CCDC174: variants seen among roughly 807,000 people sequenced by gnomAD.
CCDC174 encodes coiled-coil domain-containing protein 174.
Under a neutral mutation model 57.1 loss-of-function variants are expected in CCDC174, and 37 were observed. The observed-to-expected ratio is 0.65, with a 90% CI of 0.50 to 0.85. CCDC174 has a LOEUF of 0.85. Among genes scored for constraint, CCDC174 ranks in the 40% least tolerant of loss-of-function variants. The pLI is 0.00. For synonymous variants in CCDC174, 182 were observed against 190.2 expected, an observed-to-expected ratio of 0.96 and a Z score of 0.35; for missense variants, 540 against 574.3, an observed-to-expected ratio of 0.94 and a Z score of 0.61.
chr3:14,663,032 C>T (rs1374153530), intron 5 of CCDC174, among the ~76,000 whole-genome samples: 1 of 152,184 alleles, frequency 6.6e-6, no homozygotes, highest in Admixed American at 6.5e-5. Flanking sequence ...TGTCTTTCTT[C>T]ATCATTTCTT....
intron 5 of CCDC174, among the ~76,000 whole-genome samples, chr3:14,664,257 A>T (rs1048366945): frequency 1.3e-5 from 2 of 152,334 alleles, no homozygotes; most frequent in East Asian, 1.9e-4. Context: ...GCCAGCTAGT[A>T]CTTATTGGAC....
chr3:14,654,506 T>C lies in CCDC174; in HGVS notation c.123T>C (p.Phe41=), dbSNP rs751380821. The C allele has an allele frequency of 6.3e-7, 1 of 1,586,486 alleles. No individual in the cohort carries two copies. Among genetic ancestry groups the C allele is most frequent in the Admixed American group, 1.7e-5 (1 of 58,240 alleles). Residue 41 remains phenylalanine (F), a synonymous_variant, in exon 2 of 11, where the codon TTT becomes TTC. Transcript: ENST00000383794. ...AACTTCTAAAAGATTCTGGAGTTTTTGGAAAACCAAAAACAACTAACAAGG... is the reference window on the plus strand; with the variant it reads ...AACTTCTAAAAGATTCTGGAGTTTTCGGAAAACCAAAAACAACTAACAAGG... ...QEKLLKDSGV[F]GKPKTTNKKP...
intron 6 of CCDC174, among the ~76,000 whole-genome samples, chr3:14,666,127 C>A (rs1471268785): frequency 1.3e-5 from 2 of 151,998 alleles, no homozygotes; most frequent in Non-Finnish European, 2.9e-5. Context: ...ACAGGAGACA[C>A]CACTCAGGCC....
chr3:14,660,796 C>G (rs1291101096), intron 4 of CCDC174, among the ~76,000 whole-genome samples: 1 of 152,252 alleles, frequency 6.6e-6, no homozygotes, highest in Non-Finnish European at 1.5e-5. Flanking sequence ...GAGAAAAAGA[C>G]TCAAATGACT....
At chr3:14,653,720 T>G (rs1236175966) in intron 1 of CCDC174, among the ~76,000 whole-genome samples, 2 of 152,202 alleles carry the variant, frequency 1.3e-5, no homozygotes. Flanking sequence ...AACCGTGTGA[T>G]TCAGCCAAGC....
rs761123746 is a variant in CCDC174, at chr3:14,672,099, C to T, written c.*905C>T. 1 of 152,462 alleles carries T rather than the reference C, an allele frequency of 6.6e-6. No homozygotes were observed. Among genetic ancestry groups the T allele is most frequent in the Non-Finnish European group, 1.5e-5 (1 of 68,224 alleles). 9.4% of individuals were successfully genotyped at this position (152,462 alleles called of 1,614,324 possible). On this transcript the variant is annotated 3_prime_UTR_variant, in exon 11 of 11. Coordinates refer to ENST00000383794, the MANE Select transcript of CCDC174 (RefSeq NM_016474.5). ...AGTGTGCCTGGGCACCCACCCCATC[C>T]TCTACCTGCCACACCTCAGAGGGTT...
At position 14,666,968 on chromosome 3, in the gene CCDC174, C is replaced by G. The variant is rs371601155; in HGVS notation, c.724+21C>G. ...AAATGGTATGACTATTTTCTTGCAG[C>G]TTTGCAAATCTTATTTTTAACCTTA... On this transcript the variant is annotated intron_variant, in intron 7 of 10. Transcript: ENST00000383794. 19 of 1,562,306 alleles carry G rather than the reference C, an allele frequency of 1.2e-5. No individual in the cohort carries two copies. In the African/African-American group the frequency reaches 2.2e-4, roughly 18 times the overall value.
At chr3:14,662,546 A>AT (rs2031177530) in intron 5 of CCDC174, among the ~76,000 whole-genome samples, 1 of 152,128 alleles carries the variant, frequency 6.6e-6, no homozygotes, top group South Asian at 2.1e-4. Context: ...TGTTACAATG[A>AT]TTTTTTTCTA....
At chr3:14,669,650 G>T (rs573192676) in intron 9 of CCDC174, among the ~76,000 whole-genome samples, 7 of 152,220 alleles carry the variant, frequency 4.6e-5, no homozygotes, top group Non-Finnish European at 7.4e-5. Context: ...ATCCAGCCCA[G>T]CCCAGGACTC....
At position 14,668,030 on chromosome 3, in the gene CCDC174, T is replaced by A; in HGVS notation, c.820-19T>A. On this transcript the variant is annotated intron_variant, in intron 8 of 10. Transcript: ENST00000383794. ...GCAAATTTGGCTTCAAGCAAATAAT[T>A]TTCTGATTTTCTGTTCAGACAACAG... 1 of 1,550,314 alleles carries A rather than the reference T, an allele frequency of 6.5e-7. No homozygotes were observed.
chr3:14,665,237 A>T, intron 6 of CCDC174, 114 bp downstream of exon 6: 1 of 603,924 alleles, frequency 1.7e-6, no homozygotes, highest in Non-Finnish European at 2.9e-6. Flanking sequence ...CAGTAAGGAG[A>T]TATTGATTGA....
At chr3:14,661,759 C>T (rs766944324) in intron 5 of CCDC174, 52 bp downstream of exon 5, 1 of 1,492,640 alleles carries the variant, frequency 6.7e-7, no homozygotes, top group Non-Finnish European at 9.1e-7. Flanking sequence ...CTTGCGCTGA[C>T]ATTTTGGGAG....
chr3:14,658,666 C>T lies in CCDC174; in HGVS notation c.249-205C>T, dbSNP rs113098097. Among the ~76,000 whole-genome samples, 1,193 of 152,272 alleles carry T rather than the reference C, an allele frequency of 7.8e-3. 10 individuals are homozygous for T. Among genetic ancestry groups the T allele is most frequent in the African/African-American group, 0.027 (1,124 of 41,544 alleles). On this transcript the variant is annotated intron_variant, in intron 3 of 10. Coordinates refer to ENST00000383794, the MANE Select transcript of CCDC174 (RefSeq NM_016474.5). ...TAAGAGGACACAGGCCATGCACTCA[C>T]GGAGCTTCTGTTTTCCTTGGCAGAG...
intron 4 of CCDC174, 43 bp from the exon 5 acceptor site, chr3:14,661,487 G>A: frequency 6.5e-7 from 1 of 1,547,358 alleles, no homozygotes; most frequent in Non-Finnish European, 8.8e-7. Flanking sequence ...TTCCATGTGT[G>A]ATTTTCCTTT....
chr3:14,667,635 G>T, intron 8 of CCDC174, 117 bp downstream of exon 8: 1 of 762,762 alleles, frequency 1.3e-6, no homozygotes. Context: ...ATTCAGAATT[G>T]CATAAAGGTA....
In CCDC174 at chr3:14,669,918, C is replaced by T; in HGVS notation, c.953-16C>T. 6.2e-7 allele frequency: 1 copy of T among 1,612,898 alleles called. No homozygotes were observed. The highest frequency in any genetic ancestry group is 8.5e-7 in the Non-Finnish European group (1 of 1,179,490). ...GGCTTTTTTATAACAGTGTCTTATT[C>T]TTTTACAAAAAATAGATGGAGATGT... On this transcript the variant is annotated splice_polypyrimidine_tract_variant and intron_variant, in intron 9 of 10. Coordinates refer to ENST00000383794, the MANE Select transcript of CCDC174 (RefSeq NM_016474.5).
intron 3 of CCDC174, among the ~76,000 whole-genome samples, chr3:14,657,397 A>T (rs1174137756): frequency 6.6e-6 from 1 of 152,216 alleles, no homozygotes; most frequent in Non-Finnish European, 1.5e-5. Flanking sequence ...ATTAAAGGAG[A>T]TAAATAGTGT....
At chr3:14,653,785 T>A (rs2030861173) in intron 1 of CCDC174, among the ~76,000 whole-genome samples, 1 of 152,202 alleles carries the variant, frequency 6.6e-6, no homozygotes, top group Non-Finnish European at 1.5e-5. Flanking sequence ...ATTCACCCAG[T>A]CTATTTTATT....
intron 5 of CCDC174, among the ~76,000 whole-genome samples, chr3:14,664,055 A>C (rs912309017): frequency 3.5e-5 from 4 of 114,990 alleles, no homozygotes; most frequent in African/African-American, 7.0e-5. Flanking sequence ...ATTTGGGGGG[A>C]AAAAAAGGAA....
Sources: gnomAD v4.1 joint callset for allele counts (sites outside exome capture counted in the v4.1 genomes callset) on GRCh38, gnomAD v4.1.1 for gene constraint, MANE v1.5 for transcripts, NCBI Gene and HGNC (gene_info 2026-07-23, HGNC 2026-07-21) for gene names.